FUBP3: variants seen among roughly 807,000 people sequenced by gnomAD.
The protein encoded by FUBP3 is far upstream element-binding protein 3.
FUBP3 carries 28 observed loss-of-function variants against 85.6 expected under a neutral mutation model. The ratio of observed to expected loss-of-function variants is 0.33; its 90% confidence interval spans 0.24 to 0.45. The LOEUF (loss-of-function observed/expected upper bound fraction) is 0.45. Ranked by LOEUF, FUBP3 falls within the 20% of genes least tolerant of loss-of-function variation. The probability of loss-of-function intolerance (pLI) is 1.00; values close to 1 mark genes in which losing one functional copy is unlikely to be tolerated. For synonymous variants in FUBP3, 271 were observed against 271.4 expected (o/e 1.00, Z 0.01); for missense variants, 583 against 755.1 (o/e 0.77, Z 2.67).
intron 2 of FUBP3, among the ~76,000 whole-genome samples, chr9:130,607,854 G>C (rs1202666086): frequency 1.3e-5 from 2 of 152,214 alleles, no homozygotes; most frequent in Non-Finnish European, 2.9e-5. Context: ...ACTTGAACCT[G>C]ATTTCCTCTC....
intron 16 of FUBP3, among the ~76,000 whole-genome samples, chr9:130,632,744 G>C (rs527357514): frequency 1.3e-5 from 2 of 152,320 alleles, no homozygotes; most frequent in South Asian, 4.1e-4. Context: ...AACAGCTAGG[G>C]AATGACTTCT....
At chr9:130,610,073 A>G in intron 3 of FUBP3, 86 bp downstream of exon 3, 1 of 1,097,644 alleles carries the variant, frequency 9.1e-7, no homozygotes. Context: ...CTAGAAAGTC[A>G]GAGGTTGAGA....
Position 130,635,895 on chromosome 9 carries a change from T to G in FUBP3, c.1583-104T>G. On this transcript the variant is annotated intron_variant, in intron 17 of 18. Coordinates refer to ENST00000319725, the MANE Select transcript of FUBP3 (RefSeq NM_003934.2). This position sits in a 1 kb window ranked among gnomAD's most constrained non-coding sequence, Gnocchi z 4.3. ...TCACTGCCTCCCAGACCTCCCTGCCTTCCAGCCGTCCGGAGGGAGAGCAGA... is the reference window on the plus strand; with the variant it reads ...TCACTGCCTCCCAGACCTCCCTGCCGTCCAGCCGTCCGGAGGGAGAGCAGA... The G allele has an allele frequency of 8.1e-7, 1 of 1,235,002 alleles. No homozygotes were observed. The highest frequency in any genetic ancestry group is 2.3e-5 in the East Asian group (1 of 42,680). The allele number at this position is 1,235,002 out of a possible 1,614,324, so 76.5% of individuals were successfully genotyped here.
At chr9:130,589,705 A>ATATATATTTTTTT (rs1414691549) in intron 1 of FUBP3, among the ~76,000 whole-genome samples, 2 of 73,856 alleles carry the variant, frequency 2.7e-5, no homozygotes, top group Admixed American at 1.7e-4. Flanking sequence ...ATATATATAT[A>ATATATATTTTTTT]TTTTTTTTTT....
chr9:130,622,939 C>A, intron 10 of FUBP3, 129 bp downstream of exon 10: 1 of 451,830 alleles, frequency 2.2e-6, no homozygotes. Context: ...CTTTCTCATC[C>A]TTGCAACATC....
Position 130,588,947 on chromosome 9 carries a change from G to A in FUBP3, c.85-6536G>A, listed in dbSNP as rs531106048. ...GGACCTCTCTGGGTGGCTGTGCCGCGCAGGCTCTGGGGAAGCAAGTTGGGT... is the reference window on the plus strand; with the variant it reads ...GGACCTCTCTGGGTGGCTGTGCCGCACAGGCTCTGGGGAAGCAAGTTGGGT... On this transcript the variant is annotated intron_variant, in intron 1 of 18. Coordinates refer to ENST00000319725, the MANE Select transcript of FUBP3 (RefSeq NM_003934.2). Among the ~76,000 whole-genome samples the A allele has an allele frequency of 1.5e-3, 229 of 152,298 alleles. 1 individual carries two copies. The highest frequency in any genetic ancestry group is 2.3e-3 in the Non-Finnish European group (155 of 68,016).
At position 130,636,078 on chromosome 9, in the gene FUBP3, G is replaced by A; in HGVS notation, c.1662G>A (p.Gln554=). 1 of 1,613,798 alleles carries A rather than the reference G, an allele frequency of 6.2e-7. No homozygotes were observed. The highest frequency in any genetic ancestry group is 1.7e-5 in the Admixed American group (1 of 60,034). Reference sequence around the variant, plus strand: ...CCTGGGCAGAATATTACAGACAGCAGGTCGCTTTCTACGGACAGACGTTAG... The same window carrying A: ...CCTGGGCAGAATATTACAGACAGCAAGTCGCTTTCTACGGACAGACGTTAG... The part of the protein sequence containing the change: ...TMAWAEYYRQ[Q]VAFYGQTLGQ... The change falls in exon 18 of 19, where the codon CAG becomes CAA. Residue 554 remains glutamine (Q), a synonymous_variant. Coordinates refer to ENST00000319725, the MANE Select transcript of FUBP3 (RefSeq NM_003934.2).
rs146485810 is a variant in FUBP3 at position 130,595,116 on chromosome 9, C to G, written c.85-367C>G. On this transcript the variant is annotated intron_variant, in intron 1 of 18. Transcript: ENST00000319725. ...TGGCGCATGCCTGTAATCCCAGCTA[C>G]TTGGGAAGTCGAGACAGGAGAATCG... 2.7e-3 allele frequency among the ~76,000 whole-genome samples: 414 copies of G among 150,962 alleles called. 3 individuals are homozygous for G. The highest frequency in any genetic ancestry group is 9.9e-3 in the African/African-American group (406 of 41,148).
Position 130,606,265 on chromosome 9 carries a change from C to T in FUBP3, c.191-3689C>T, listed in dbSNP as rs1322712102. 5.3e-5 allele frequency among the ~76,000 whole-genome samples: 8 copies of T among 152,190 alleles called. No individual in the cohort carries two copies. In the East Asian group the frequency reaches 1.2e-3, roughly 22 times the overall value. On this transcript the variant is annotated intron_variant, in intron 2 of 18. Coordinates refer to ENST00000319725, the MANE Select transcript of FUBP3 (RefSeq NM_003934.2). ...AGCTGGGGTGTGGAAAGCCATTGGT[C>T]AGTCAGAGGAGACTGCAAATCCAAA...
chr9:130,633,887 C>G (rs1033749880), intron 16 of FUBP3, among the ~76,000 whole-genome samples: 1 of 152,202 alleles, frequency 6.6e-6, no homozygotes, highest in Non-Finnish European at 1.5e-5. Context: ...GCCCTTCCTC[C>G]CTGCTTCAGG....
chr9:130,595,697 GAAGA>G, intron 2 of FUBP3, 109 bp downstream of exon 2: 1 of 742,098 alleles, frequency 1.3e-6, no homozygotes, highest in South Asian at 1.4e-5. Flanking sequence ...ACTCTGTTGA[GAAGA>G]AAGGTTGAAG....
At chr9:130,583,056 T>A (rs968394081) in intron 1 of FUBP3, among the ~76,000 whole-genome samples, 2 of 152,268 alleles carry the variant, frequency 1.3e-5, no homozygotes, top group African/African-American at 4.8e-5. Flanking sequence ...TAAATGGTGC[T>A]TCATAGAGTT....
At chr9:130,594,948 C>T (rs1261933066) in intron 1 of FUBP3, among the ~76,000 whole-genome samples, 5 of 150,418 alleles carry the variant, frequency 3.3e-5, no homozygotes, top group Admixed American at 6.6e-5. Flanking sequence ...AATTTGCGGC[C>T]GGGCGCAGTG....
At chr9:130,611,317 G>A (rs951854458) in intron 3 of FUBP3, among the ~76,000 whole-genome samples, 14 of 152,192 alleles carry the variant, frequency 9.2e-5, no homozygotes, top group African/African-American at 3.4e-4. Flanking sequence ...GGCTTCTGCT[G>A]CAGGACGTGT....
intron 3 of FUBP3, among the ~76,000 whole-genome samples, chr9:130,610,620 T>C (rs1831695258): frequency 6.6e-6 from 1 of 152,198 alleles, no homozygotes; most frequent in Non-Finnish European, 1.5e-5. Context: ...GTGGTCATAG[T>C]GTATCGCCCT....
intron 14 of FUBP3, 81 bp downstream of exon 14, chr9:130,631,711 G>C (rs975144723): frequency 1.7e-6 from 2 of 1,185,566 alleles, no homozygotes; most frequent in Non-Finnish European, 2.5e-6. Flanking sequence ...TACTTCTAGC[G>C]AGTGCCAGCC....
chr9:130,615,907 C>T (rs1414461011), intron 6 of FUBP3, among the ~76,000 whole-genome samples: 1 of 152,170 alleles, frequency 6.6e-6, no homozygotes, highest in Non-Finnish European at 1.5e-5. Context: ...TGCTTTCTTC[C>T]CATCTTTCTC....
intron 10 of FUBP3, among the ~76,000 whole-genome samples, chr9:130,623,252 C>T (rs1027562729): frequency 3.3e-5 from 5 of 152,110 alleles, no homozygotes; most frequent in African/African-American, 4.8e-5. Flanking sequence ...GCAAAATTTT[C>T]GACGTGGTCT....
intron 2 of FUBP3, among the ~76,000 whole-genome samples, chr9:130,597,246 G>A (rs1314420053): frequency 2.7e-5 from 4 of 150,524 alleles, no homozygotes; most frequent in Non-Finnish European, 4.4e-5. Flanking sequence ...TCTTTTTTAT[G>A]GCTGAGTTGA....
Sources: allele counts gnomAD v4.1 joint callset (sites outside exome capture counted in the v4.1 genomes callset), GRCh38; gene constraint gnomAD v4.1.1; non-coding constraint Gnocchi (gnomAD v3.1); transcripts MANE v1.5; gene names NCBI Gene and HGNC (gene_info 2026-07-23, HGNC 2026-07-21).